The following GRID2 variants were observed in gnomAD, a reference collection of about 807,000 sequenced individuals.
The protein encoded by GRID2 is glutamate ionotropic receptor delta type subunit 2, also known as glutamate receptor ionotropic, delta-2.
A neutral mutation model predicts 114.8 loss-of-function variants in GRID2; 33 were observed. The ratio of observed to expected loss-of-function variants is 0.29; its 90% CI spans 0.22 to 0.38. The LOEUF (loss-of-function observed/expected upper bound fraction) is 0.38. Ranked by LOEUF, GRID2 falls within the 10% of genes least tolerant of loss-of-function variation. The pLI, the probability that GRID2 is intolerant of heterozygous loss-of-function variation, is 1.00. For synonymous variants in GRID2, 505 were observed against 449.9 expected, an observed-to-expected ratio of 1.12 and a Z score of -1.55; for missense variants, 1,184 against 1,257.7, an observed-to-expected ratio of 0.94 and a Z score of 0.89.
intron 2 of GRID2, among the ~76,000 whole-genome samples, chr4:93,082,514 G>T (rs1729958750): frequency 6.6e-6 from 1 of 152,108 alleles, no homozygotes; most frequent in Admixed American, 6.6e-5. Flanking sequence ...CTGACAAAAT[G>T]ATTTTGGTAC....
chr4:92,476,997 T>C (rs758496937), intron 1 of GRID2, among the ~76,000 whole-genome samples: 2 of 151,188 alleles, frequency 1.3e-5, no homozygotes, highest in Non-Finnish European at 2.9e-5. Flanking sequence ...AGGATAAAAA[T>C]CCTTTGCAAA....
intron 11 of GRID2, among the ~76,000 whole-genome samples, chr4:93,483,764 G>A (rs1269992241): frequency 6.6e-6 from 1 of 151,828 alleles, no homozygotes; most frequent in Non-Finnish European, 1.5e-5. Context: ...TTAAAACAGA[G>A]GGGTCCTTTG....
In GRID2 at chr4:92,808,923, G is replaced by A. The variant is rs144922065; in HGVS notation, c.244+218637G>A. On this transcript the variant is annotated intron_variant, in intron 2 of 15. Coordinates refer to ENST00000282020, the MANE Select transcript of GRID2 (RefSeq NM_001510.4). ...GAAGAAATAAGACAGTCACTCAAAG[G>A]ATATCCTAGATGAGAGCATTTTGGT... Among the ~76,000 whole-genome samples the A allele has an allele frequency of 2.5e-4, 38 of 151,796 alleles. No individual in the cohort carries two copies. In the East Asian group the frequency reaches 7.2e-3, roughly 29 times the overall value.
chr4:92,835,907 T>C (rs1385273366), intron 2 of GRID2, among the ~76,000 whole-genome samples: 1 of 152,136 alleles, frequency 6.6e-6, no homozygotes, highest in Non-Finnish European at 1.5e-5. Flanking sequence ...TGACAGCAGA[T>C]CACAGGCTTA....
At chr4:92,808,349 G>A (rs933707739) in intron 2 of GRID2, among the ~76,000 whole-genome samples, 1 of 151,920 alleles carries the variant, frequency 6.6e-6, no homozygotes, top group Non-Finnish European at 1.5e-5. Context: ...TAGGAAAGTA[G>A]TAAAAAAGTC....
rs866944287 is a variant in GRID2, at chr4:93,725,433, G to A, written c.2361-43777G>A. Among the ~76,000 whole-genome samples, 173 of 152,180 alleles carry A rather than the reference G, an allele frequency of 1.1e-3. 1 individual carries two copies. The Middle Eastern group carries it at 0.017, about 15-fold the overall frequency. On this transcript the variant is annotated intron_variant, in intron 14 of 15. Transcript: ENST00000282020. The stretch of plus-strand genomic sequence containing the variant: ...AGTCTTTGCTATTGTGAACAGTGCC[G>A]CAATAAACATACATGTGCATGTGTC...
intron 1 of GRID2, among the ~76,000 whole-genome samples, chr4:92,513,742 C>T (rs1724366442): frequency 6.6e-6 from 1 of 151,764 alleles, no homozygotes; most frequent in Non-Finnish European, 1.5e-5. Context: ...TTGCATAGTG[C>T]TGGATACTGT....
intron 2 of GRID2, among the ~76,000 whole-genome samples, chr4:92,954,972 TC>T (rs1752289662): frequency 8.4e-6 from 1 of 118,512 alleles, no homozygotes. Context: ...TGCATAGTAT[TC>T]CATGGTGTAT....
At chr4:92,691,097 G>C (rs879568453) in intron 2 of GRID2, among the ~76,000 whole-genome samples, 2 of 152,034 alleles carry the variant, frequency 1.3e-5, no homozygotes, top group Admixed American at 6.6e-5. Flanking sequence ...CATTAGGGTG[G>C]AGATAATTAG....
intron 14 of GRID2, among the ~76,000 whole-genome samples, chr4:93,695,422 G>A (rs543095847): frequency 4.6e-5 from 7 of 152,120 alleles, no homozygotes; most frequent in Non-Finnish European, 7.4e-5. Flanking sequence ...GAATGCCTAT[G>A]TCTATTTGTC....
intron 1 of GRID2, among the ~76,000 whole-genome samples, chr4:92,519,206 A>T (rs562846780): frequency 2.6e-5 from 4 of 151,932 alleles, no homozygotes; most frequent in South Asian, 2.1e-4. Context: ...ATGAATTTTT[A>T]AAAAATTATC....
At chr4:93,450,870 G>A (rs940235470) in intron 10 of GRID2, among the ~76,000 whole-genome samples, 2 of 151,818 alleles carry the variant, frequency 1.3e-5, no homozygotes, top group African/African-American at 4.8e-5. Flanking sequence ...TGCAAATAAT[G>A]TAAGTGTAAA....
At chr4:93,265,747 C>T (rs927515990) in intron 8 of GRID2, among the ~76,000 whole-genome samples, 1 of 152,034 alleles carries the variant, frequency 6.6e-6, no homozygotes, top group African/African-American at 2.4e-5. Context: ...GTGGTGAGTC[C>T]ACTGAAGGAA....
intron 2 of GRID2, among the ~76,000 whole-genome samples, chr4:92,917,500 C>G (rs537609705): frequency 2.0e-5 from 3 of 152,104 alleles, no homozygotes; most frequent in African/African-American, 7.2e-5. Flanking sequence ...TTAGGTCTAA[C>G]GTTTAAGTCT....
At chr4:92,680,944 A>G (rs1733619035) in intron 2 of GRID2, among the ~76,000 whole-genome samples, 1 of 152,186 alleles carries the variant, frequency 6.6e-6, no homozygotes, top group Admixed American at 6.5e-5. Context: ...AGAGTTACTG[A>G]TTTTGCTAAG....
intron 2 of GRID2, among the ~76,000 whole-genome samples, chr4:92,869,330 G>T (rs1265655046): frequency 6.6e-6 from 1 of 152,148 alleles, no homozygotes; most frequent in African/African-American, 2.4e-5. Flanking sequence ...GAAGCTTTTA[G>T]CAGTCATATG....
chr4:92,689,795 C>T (rs1282059104), intron 2 of GRID2, among the ~76,000 whole-genome samples: 1 of 152,176 alleles, frequency 6.6e-6, no homozygotes, highest in Non-Finnish European at 1.5e-5. Flanking sequence ...TCACCTTGTA[C>T]CTTCATTTTA....
chr4:92,491,498 CT>C (rs1481094394), intron 1 of GRID2, among the ~76,000 whole-genome samples: 1 of 152,140 alleles, frequency 6.6e-6, no homozygotes, highest in African/African-American at 2.4e-5. Flanking sequence ...AAATTAACAA[CT>C]GATATCTAGC....
chr4:93,065,962 T>C (rs1162034387), intron 2 of GRID2, among the ~76,000 whole-genome samples: 1 of 151,858 alleles, frequency 6.6e-6, no homozygotes, highest in Non-Finnish European at 1.5e-5. Context: ...ATATACTAAC[T>C]CATTCAGTTC....
Sources: allele counts gnomAD v4.1 joint callset (sites outside exome capture counted in the v4.1 genomes callset), GRCh38; gene constraint gnomAD v4.1.1; transcripts MANE v1.5; gene names NCBI Gene and HGNC (gene_info 2026-07-23, HGNC 2026-07-21).